The following XBP1 variants were observed in gnomAD, a reference collection of about 807,000 sequenced individuals.
XBP1 encodes the protein X-box-binding protein 1.
A neutral mutation model predicts 34.6 loss-of-function variants in XBP1; 18 were observed. The ratio of observed to expected loss-of-function variants is 0.52; its 90% CI spans 0.36 to 0.77. The LOEUF (loss-of-function observed/expected upper bound fraction) is 0.77, where lower values mean the gene tolerates loss of function less well. XBP1 is among the 30% of genes least tolerant of loss of function. The probability of loss-of-function intolerance (pLI) is 0.00; values close to 1 mark genes in which losing one functional copy is unlikely to be tolerated. For synonymous variants in XBP1, 191 were observed against 193.4 expected, an observed-to-expected ratio of 0.99 and a Z score of 0.11; for missense variants, 422 against 464.6, an observed-to-expected ratio of 0.91 and a Z score of 0.84.
chr22:28,800,387 G>C (rs777529671), exon 1 of XBP1: 45 of 1,536,030 alleles, frequency 2.9e-5, no homozygotes, highest in Non-Finnish European at 3.9e-5. Flanking sequence ...CCTCCGGGCT[G>C]GCCCCTCTCT....
chr22:28,795,376 G>A (rs188610986), exon 6 of XBP1: 22 of 1,553,396 alleles, frequency 1.4e-5, no homozygotes, highest in Middle Eastern at 1.7e-4. Flanking sequence ...GCTCCGGAAC[G>A]AGGTCATCTT....
chr22:28,799,953 A>T (rs371305236), intron 1 of XBP1: 219 of 779,254 alleles, frequency 2.8e-4, no homozygotes, highest in Admixed American at 2.7e-3. Context: ...AAAACAGATT[A>T]TTCGACCTCA....
upstream of XBP1, chr22:28,800,569 C>A: frequency 6.9e-7 from 1 of 1,451,066 alleles, no homozygotes; most frequent in African/African-American, 1.5e-5. Context: ...AGCCGCCCAG[C>A]GCCCAGCCTC....
At chr22:28,800,392 C>G in exon 1 of XBP1, 1 of 1,531,168 alleles carries the variant, frequency 6.5e-7, no homozygotes, top group South Asian at 1.2e-5. Context: ...GGGCTGGCCC[C>G]TCTCTGGGCT....
At chr22:28,796,388 CTT>C in intron 3 of XBP1, 196 bp from the exon 4 acceptor site, 2 of 467,426 alleles carry the variant, frequency 4.3e-6, no homozygotes, top group Non-Finnish European at 7.1e-6. Flanking sequence ...CTGCTTGAAT[CTT>C]TGCCTGGAGG....
exon 6 of XBP1, chr22:28,795,459 C>T (rs772063996): frequency 1.6e-4 from 263 of 1,610,972 alleles, no homozygotes; most frequent in Admixed American, 2.5e-4. Context: ...GGTGCTTCCT[C>T]GATTTTCACT....
At chr22:28,799,026 G>C in intron 2 of XBP1, 31 bp downstream of exon 2, 1 of 1,566,950 alleles carries the variant, frequency 6.4e-7, no homozygotes, top group South Asian at 1.1e-5. Flanking sequence ...GTATACAATG[G>C]ATAAAAGAGT....
chr22:28,794,985 A>C (rs2044917637), downstream of XBP1: 1 of 463,410 alleles, frequency 2.2e-6, no homozygotes, highest in Non-Finnish European at 3.7e-6. Flanking sequence ...AATATGTCTC[A>C]ATACCTTGGA....
chr22:28,799,661 G>A (rs947089366), intron 1 of XBP1, among the ~76,000 whole-genome samples: 4 of 152,174 alleles, frequency 2.6e-5, no homozygotes, highest in Admixed American at 1.3e-4. Flanking sequence ...TGATGGGTCC[G>A]TGTCTGTTGG....
rs775617243 is a variant in XBP1 at position 28,800,284 on chromosome 22, G to A, written c.227+14C>T. ...GGCTTCAGATCTGGCCCCAGACCCC[G>A]GCCCCTCGCCCACCTCCTCAGCGCC... On this transcript the variant is annotated intron_variant, in intron 1 of 5. Coordinates refer to ENST00000344347, the Ensembl canonical transcript of XBP1. 2.8e-5 allele frequency: 43 copies of A among 1,550,258 alleles called. No individual in the cohort carries two copies. Among genetic ancestry groups the A allele is most frequent in the Admixed American group, 3.9e-5 (2 of 51,490 alleles).
intron 2 of XBP1, chr22:28,798,823 G>T: frequency 9.2e-5 from 16 of 174,332 alleles, no homozygotes; most frequent in East Asian, 2.4e-4. Flanking sequence ...ATTTTACCAT[G>T]TTGGCTAGGC....
At position 28,795,265 on chromosome 22, in the gene XBP1, T is replaced by C. The variant is rs368786896; in HGVS notation, c.1041A>G (p.Pro347=). ...CAAGCAGAGAGGACATGTCACTGAA[T>C]GGGGAAAGGGAACCCCCGTATCCAC... Residue 347 remains proline (P), a synonymous_variant, in exon 6 of 6, where the codon CCA becomes CCG. Coordinates refer to ENST00000344347, the Ensembl canonical transcript of XBP1. 81 of 1,551,736 alleles carry C rather than the reference T, an allele frequency of 5.2e-5. 1 individual carries two copies. The East Asian group carries it at 5.8e-4, about 11-fold the overall frequency.
intron 3 of XBP1, 63 bp from the exon 4 acceptor site, chr22:28,796,255 G>A: frequency 1.4e-6 from 2 of 1,431,878 alleles, no homozygotes; most frequent in East Asian, 2.5e-5. Flanking sequence ...TTGCTAGACA[G>A]CTGTGATTCT....
intron 5 of XBP1, 65 bp from the exon 6 acceptor site, chr22:28,795,797 A>G (rs1207830854): frequency 6.9e-7 from 1 of 1,455,146 alleles, no homozygotes. Flanking sequence ...TAACTGGAAC[A>G]CTTTGTACTG....
At chr22:28,800,560 G>C (rs1217963825), upstream of XBP1, 5 of 1,464,694 alleles carry the variant, frequency 3.4e-6, no homozygotes, top group South Asian at 2.6e-5. Flanking sequence ...GCGCGCCGCA[G>C]CCGCCCAGCG....
intron 1 of XBP1, 178 bp downstream of exon 1, chr22:28,800,120 T>A: frequency 1.3e-6 from 1 of 745,774 alleles, no homozygotes. Context: ...GCGTGGCGGA[T>A]CCGGTCAGTC....
In XBP1 at chr22:28,799,053, T is replaced by C. The variant is rs747842992; in HGVS notation, c.324+4A>G. 2.5e-6 allele frequency: 4 copies of C among 1,612,704 alleles called. No homozygotes were observed. The highest frequency in any genetic ancestry group is 3.4e-6 in the Non-Finnish European group (4 of 1,178,762). On this transcript the variant is annotated splice_donor_region_variant and intron_variant, in intron 2 of 5. Coordinates refer to ENST00000344347, the Ensembl canonical transcript of XBP1. Reference sequence around the variant, plus strand: ...TAAAAGAGTTTGACCTTAAGTAGTTTTACCTCTTCTTCTAAATCTACCACT... The same window carrying C: ...TAAAAGAGTTTGACCTTAAGTAGTTCTACCTCTTCTTCTAAATCTACCACT...
downstream of XBP1, chr22:28,795,169 C>A (rs2031721423): frequency 2.0e-6 from 3 of 1,495,476 alleles, no homozygotes; most frequent in Non-Finnish European, 2.7e-6. Context: ...AGTATTGGAT[C>A]ATTCCTTAGA....
At chr22:28,800,491 C>G in exon 1 of XBP1, 1 of 1,485,184 alleles carries the variant, frequency 6.7e-7, no homozygotes, top group Non-Finnish European at 8.9e-7. Flanking sequence ...GGGGTCCCGT[C>G]GGCCGGGTTC....
Sources: allele counts gnomAD v4.1 joint callset (sites outside exome capture counted in the v4.1 genomes callset), GRCh38; gene constraint gnomAD v4.1.1; transcripts MANE v1.5; gene names NCBI Gene and HGNC (gene_info 2026-07-23, HGNC 2026-07-21).